The following TFDP2 variants were observed in gnomAD, a reference collection of about 807,000 sequenced individuals.
The protein encoded by TFDP2 is transcription factor Dp-2 (E2F dimerization partner 2).
TFDP2 carries 17 observed loss-of-function variants against 59.3 expected under a neutral mutation model. The ratio of observed to expected loss-of-function variants is 0.29; its 90% CI spans 0.20 to 0.43. The LOEUF (loss-of-function observed/expected upper bound fraction) is 0.43, where lower values mean the gene tolerates loss of function less well. Among genes scored for constraint, TFDP2 ranks in the 20% least tolerant of loss-of-function variants. The pLI is 1.00. For missense variants in TFDP2, 391 were observed against 528.8 expected, an observed-to-expected ratio of 0.74 and a Z score of 2.56; for synonymous variants, 180 against 194.7, an observed-to-expected ratio of 0.92 and a Z score of 0.63.
chr3:142,133,167 T>C (rs2062579988), intron 1 of TFDP2, among the ~76,000 whole-genome samples: 1 of 150,298 alleles, frequency 6.7e-6, no homozygotes, highest in African/African-American at 2.5e-5. Flanking sequence ...AGCTGTGTAA[T>C]TATAATACTA....
Position 142,101,830 on chromosome 3 carries a change from T to A in TFDP2, c.-81A>T. Reference sequence around the variant, plus strand: ...AAAACCTTCGTCTTCAATAATTCTTTAAAAGAACAACCTGTTAAAGGAAAA... The same window carrying A: ...AAAACCTTCGTCTTCAATAATTCTTAAAAAGAACAACCTGTTAAAGGAAAA... On this transcript the variant is annotated 5_prime_UTR_variant, in exon 2 of 13. Coordinates refer to ENST00000489671, the MANE Select transcript of TFDP2 (RefSeq NM_001178139.2). 2 of 807,506 alleles carry A rather than the reference T, an allele frequency of 2.5e-6. No homozygotes were observed. The highest frequency in any genetic ancestry group is 3.6e-6 in the Non-Finnish European group (2 of 550,966). The allele number at this position is 807,506 out of a possible 1,614,324, so 50.0% of individuals were successfully genotyped here.
chr3:141,961,502 CAA>C (rs199996211), intron 10 of TFDP2, among the ~76,000 whole-genome samples: 8,980 of 152,138 alleles, frequency 0.059, 314 homozygotes, highest in Middle Eastern at 0.1. Context: ...CTTGGCCTCC[CAA>C]AGTGCTGGGA....
At chr3:142,111,801 C>G (rs902110482) in intron 1 of TFDP2, among the ~76,000 whole-genome samples, 2 of 152,164 alleles carry the variant, frequency 1.3e-5, no homozygotes, top group Admixed American at 1.3e-4. Context: ...TGTGGTGGCT[C>G]ACGCCTGTAA....
intron 3 of TFDP2, among the ~76,000 whole-genome samples, chr3:142,011,590 T>TAAAAAAAA (rs386398107): frequency 1.6e-5 from 1 of 63,890 alleles, no homozygotes. Flanking sequence ...TAAAGTATAA[T>TAAAAAAAA]AAAAAAAAAA....
chr3:141,961,234 G>GTTT (rs1937305219), intron 10 of TFDP2, among the ~76,000 whole-genome samples: 1 of 122,000 alleles, frequency 8.2e-6, no homozygotes, highest in Non-Finnish European at 1.8e-5. Flanking sequence ...TCAGTTTTTT[G>GTTT]TTGTTTTTTT....
At chr3:142,138,875 T>C (rs1016883387) in intron 1 of TFDP2, among the ~76,000 whole-genome samples, 1 of 152,234 alleles carries the variant, frequency 6.6e-6, no homozygotes, top group African/African-American at 2.4e-5. Flanking sequence ...TCTGTAGATG[T>C]CTACTAGGTC....
intron 4 of TFDP2, among the ~76,000 whole-genome samples, chr3:142,005,159 C>T (rs947167329): frequency 2.6e-5 from 4 of 152,148 alleles, no homozygotes; most frequent in African/African-American, 4.8e-5. Context: ...GCAATCCTCC[C>T]GCCTCAGTCC....
chr3:142,101,842 C>A lies in TFDP2; in HGVS notation c.-92-1G>T. 2.9e-6 allele frequency: 2 copies of A among 694,974 alleles called. No individual in the cohort carries two copies. Among genetic ancestry groups the A allele is most frequent in the African/African-American group, 1.8e-5 (1 of 56,388 alleles). 43.1% of individuals were successfully genotyped at this position (694,974 alleles called of 1,614,324 possible). ...TTCAATAATTCTTTAAAAGAACAAC[C>A]TGTTAAAGGAAAACAGAGGGAATAG... is the stretch of plus-strand genomic sequence containing the variant. On this transcript the variant is annotated splice_acceptor_variant, in intron 1 of 12. Coordinates refer to ENST00000489671, the MANE Select transcript of TFDP2 (RefSeq NM_001178139.2). LOFTEE classifies it low-confidence loss of function (5UTR_SPLICE).
chr3:141,971,284 G>A (rs1939687497), intron 8 of TFDP2, among the ~76,000 whole-genome samples: 1 of 150,580 alleles, frequency 6.6e-6, no homozygotes, highest in Non-Finnish European at 1.5e-5. Flanking sequence ...CACTTTGGGA[G>A]GCCGAGGTGG....
At chr3:142,051,981 C>G (rs905156543) in intron 3 of TFDP2, among the ~76,000 whole-genome samples, 17 of 152,088 alleles carry the variant, frequency 1.1e-4, no homozygotes, top group Non-Finnish European at 1.8e-4. Flanking sequence ...TAAAAATTAG[C>G]TGGGTGTGGT....
rs1935431689 is a variant in TFDP2, at chr3:141,947,943, A to G, written c.*4570T>C. 1 of 152,194 alleles carries G rather than the reference A, an allele frequency of 6.6e-6. No individual in the cohort carries two copies. 9.4% of individuals were successfully genotyped at this position (152,194 alleles called of 1,614,324 possible). A position where few individuals can be genotyped will look rare whatever the true frequency, so the allele number is the denominator to read the frequency against. Reference sequence around the variant, plus strand: ...GTCCCGCTACGCTGCTGCTTTCTCCACAGCACTCATCAATCAATCTGCACG... The same window carrying G: ...GTCCCGCTACGCTGCTGCTTTCTCCGCAGCACTCATCAATCAATCTGCACG... On this transcript the variant is annotated 3_prime_UTR_variant, in exon 13 of 13. Transcript: ENST00000489671.
At chr3:142,105,427 G>A (rs2061439915) in intron 1 of TFDP2, among the ~76,000 whole-genome samples, 1 of 152,038 alleles carries the variant, frequency 6.6e-6, no homozygotes, top group Non-Finnish European at 1.5e-5. Flanking sequence ...GTTGGTGTGG[G>A]CTACCAGATT....
chr3:142,026,412 G>C (rs1160987570), intron 3 of TFDP2, among the ~76,000 whole-genome samples: 2 of 152,132 alleles, frequency 1.3e-5, no homozygotes, highest in African/African-American at 2.4e-5. Flanking sequence ...TAATCTGCTT[G>C]AATGTTGATA....
At chr3:141,953,158 C>T (rs1328979428) in intron 11 of TFDP2, 142 bp from the exon 12 acceptor site, 1 of 508,680 alleles carries the variant, frequency 2.0e-6, no homozygotes, top group Non-Finnish European at 3.3e-6. Context: ...GTGACAAGAA[C>T]CCAGGTTTCT....
At chr3:142,129,866 A>G (rs1373981659) in intron 1 of TFDP2, among the ~76,000 whole-genome samples, 4 of 152,140 alleles carry the variant, frequency 2.6e-5, no homozygotes, top group African/African-American at 9.6e-5. Flanking sequence ...GATTAGGGAA[A>G]TGCAAATCAA....
chr3:142,024,099 A>C (rs1945878693), intron 3 of TFDP2, among the ~76,000 whole-genome samples: 1 of 152,154 alleles, frequency 6.6e-6, no homozygotes, highest in African/African-American at 2.4e-5. Context: ...CAGCCCATTA[A>C]AAGATTTTTG....
intron 3 of TFDP2, among the ~76,000 whole-genome samples, chr3:142,079,487 A>G (rs2108576691): frequency 6.6e-6 from 1 of 152,316 alleles, no homozygotes; most frequent in African/African-American, 2.4e-5. Context: ...CAAAGAGATA[A>G]TACCAGCAAA....
At chr3:141,978,779 T>C in intron 6 of TFDP2, 97 bp from the exon 7 acceptor site, 1 of 946,142 alleles carries the variant, frequency 1.1e-6, no homozygotes, top group Non-Finnish European at 1.4e-6. Flanking sequence ...TAATTTAAGT[T>C]TTACTTCAAG....
At chr3:142,124,110 G>GA (rs1386318176) in intron 1 of TFDP2, among the ~76,000 whole-genome samples, 2 of 151,854 alleles carry the variant, frequency 1.3e-5, no homozygotes, top group African/African-American at 4.8e-5. Context: ...AAAACAAATG[G>GA]AAAAAAATGC....
Sources: allele counts gnomAD v4.1 joint callset (sites outside exome capture counted in the v4.1 genomes callset), GRCh38; gene constraint gnomAD v4.1.1; transcripts MANE v1.5; gene names NCBI Gene and HGNC (gene_info 2026-07-23, HGNC 2026-07-21).